CDYL2: variants seen among roughly 807,000 people sequenced by gnomAD.
CDYL2 encodes the protein chromodomain Y-like protein 2.
Under a neutral mutation model 49.4 loss-of-function variants are expected in CDYL2, and 23 were observed. The ratio of observed to expected loss-of-function variants is 0.47; its 90% CI spans 0.34 to 0.66. The LOEUF (loss-of-function observed/expected upper bound fraction) is 0.66. Ranked by LOEUF, CDYL2 falls within the 30% of genes least tolerant of loss-of-function variation. The pLI is 0.01. For missense variants in CDYL2, 678 were observed against 656.4 expected, an observed-to-expected ratio of 1.03 and a Z score of -0.36; for synonymous variants, 360 against 268.8, an observed-to-expected ratio of 1.34 and a Z score of -3.32.
intron 2 of CDYL2, among the ~76,000 whole-genome samples, chr16:80,660,214 A>G (rs930321492): frequency 6.6e-6 from 1 of 152,154 alleles, no homozygotes; most frequent in Admixed American, 6.5e-5. Context: ...TTTAATTCAG[A>G]GGAAGACACG....
Position 80,599,970 on chromosome 16 carries a change from C to T in CDYL2, c.*4418G>A, listed in dbSNP as rs992748512. 2.6e-5 allele frequency: 4 copies of T among 152,188 alleles called. No homozygotes were observed. The highest frequency in any genetic ancestry group is 5.9e-5 in the Non-Finnish European group (4 of 68,034). 9.4% of individuals were successfully genotyped at this position (152,188 alleles called of 1,614,324 possible). On this transcript the variant is annotated 3_prime_UTR_variant, in exon 7 of 7. Coordinates refer to ENST00000570137, the MANE Select transcript of CDYL2 (RefSeq NM_152342.4). ...GACTGCATTCAGTCCATCAGCATGG[C>T]TTACGTTGCATGGAGGAAACAACCC... is the stretch of plus-strand genomic sequence containing the variant.
At chr16:80,633,273 T>C (rs1907658700) in intron 2 of CDYL2, 37 bp from the exon 3 acceptor site, 7 of 1,587,490 alleles carry the variant, frequency 4.4e-6, no homozygotes, top group Non-Finnish European at 6.0e-6. Context: ...GAAACTGAAA[T>C]GGACCACGAT....
intron 1 of CDYL2, among the ~76,000 whole-genome samples, chr16:80,764,575 G>C (rs1173996815): frequency 2.6e-5 from 4 of 152,110 alleles, no homozygotes; most frequent in Admixed American, 2.6e-4. Flanking sequence ...AGAATGAACA[G>C]ACACACCATG....
At chr16:80,795,890 G>A (rs1306893139) in intron 1 of CDYL2, among the ~76,000 whole-genome samples, 1 of 152,206 alleles carries the variant, frequency 6.6e-6, no homozygotes, top group Non-Finnish European at 1.5e-5. Flanking sequence ...GTAATAGACT[G>A]AAACAGAAGA....
chr16:80,669,637 G>C (rs564931525), intron 2 of CDYL2, among the ~76,000 whole-genome samples: 3 of 152,292 alleles, frequency 2.0e-5, no homozygotes, highest in African/African-American at 7.2e-5. Context: ...GGCCAAGCAG[G>C]AGGGTCGGTG....
At chr16:80,622,675 A>C (rs1306235326) in intron 3 of CDYL2, among the ~76,000 whole-genome samples, 3 of 152,170 alleles carry the variant, frequency 2.0e-5, no homozygotes, top group Non-Finnish European at 4.4e-5. Context: ...ACTTCAGAGG[A>C]AATTAGGCAG....
In CDYL2 at chr16:80,612,329, GA is replaced by G. The variant is rs1316162538; in HGVS notation, c.1218+296del. On this transcript the variant is annotated intron_variant, in intron 5 of 6. Coordinates refer to ENST00000570137, the MANE Select transcript of CDYL2 (RefSeq NM_152342.4). This position sits in a 1 kb window ranked among gnomAD's most constrained non-coding sequence, Gnocchi z 5.0. ...GGCAAGTTTTGTTGTTAAAGCCACT[GA>G]GACCGTGGGCTGCTTGTCACAGCAC... Among the ~76,000 whole-genome samples the G allele has an allele frequency of 6.6e-6, 1 of 152,226 alleles. No individual in the cohort carries two copies. The highest frequency in any genetic ancestry group is 6.5e-5 in the Admixed American group (1 of 15,290).
chr16:80,752,080 G>C (rs2142564533), intron 1 of CDYL2, among the ~76,000 whole-genome samples: 1 of 151,948 alleles, frequency 6.6e-6, no homozygotes, highest in East Asian at 1.9e-4. Flanking sequence ...CTGTGAAATA[G>C]ATAACCATGT....
intron 1 of CDYL2, among the ~76,000 whole-genome samples, chr16:80,770,586 A>C (rs1906873852): frequency 6.6e-6 from 1 of 152,226 alleles, no homozygotes; most frequent in African/African-American, 2.4e-5. Flanking sequence ...CTGACTACAA[A>C]GTGAACTGAA....
intron 1 of CDYL2, among the ~76,000 whole-genome samples, chr16:80,702,183 AACACACACAC>A (rs35071485): frequency 9.1e-5 from 13 of 142,772 alleles, no homozygotes; most frequent in Admixed American, 7.0e-5. Flanking sequence ...GAAGGCCTAA[AACACACACAC>A]ACACACACAC....
chr16:80,763,052 C>T (rs1207929114), intron 1 of CDYL2, among the ~76,000 whole-genome samples: 1 of 152,122 alleles, frequency 6.6e-6, no homozygotes, highest in Non-Finnish European at 1.5e-5. Flanking sequence ...ACTGTAGTCC[C>T]AGCTACTTGG....
At chr16:80,684,028 G>C (rs977470129) in intron 2 of CDYL2, among the ~76,000 whole-genome samples, 3 of 152,218 alleles carry the variant, frequency 2.0e-5, no homozygotes, top group African/African-American at 4.8e-5. Context: ...CTCCAGCACA[G>C]GCACTGGCGT....
At chr16:80,742,516 G>A (rs1905777445) in intron 1 of CDYL2, among the ~76,000 whole-genome samples, 2 of 150,656 alleles carry the variant, frequency 1.3e-5, no homozygotes, top group Admixed American at 6.6e-5. Context: ...ATACACTAAC[G>A]AATGAATAGA....
At chr16:80,756,904 CTGA>C (rs1436142362) in intron 1 of CDYL2, among the ~76,000 whole-genome samples, 13 of 151,136 alleles carry the variant, frequency 8.6e-5, no homozygotes. Flanking sequence ...TCAAAGGCAT[CTGA>C]TAAGTCATTT....
At chr16:80,667,023 C>G (rs1264572338) in intron 2 of CDYL2, among the ~76,000 whole-genome samples, 1 of 152,220 alleles carries the variant, frequency 6.6e-6, no homozygotes, top group African/African-American at 2.4e-5. Context: ...GAGGTCAGTG[C>G]TGTCAACCAA....
chr16:80,602,963 G>A lies in CDYL2; in HGVS notation c.*1425C>T, dbSNP rs1906160830. 1 of 152,158 alleles carries A rather than the reference G, an allele frequency of 6.6e-6. No homozygotes were observed. Among genetic ancestry groups the A allele is most frequent in the South Asian group, 2.1e-4 (1 of 4,830 alleles). The allele number at this position is 152,158 out of a possible 1,614,324, so 9.4% of individuals were successfully genotyped here. Reference sequence around the variant, plus strand: ...CACAACCCCCAATCCCTCCTTCTCTGTAGTTAATCCAGGGACTTGAATCTG... The same window carrying A: ...CACAACCCCCAATCCCTCCTTCTCTATAGTTAATCCAGGGACTTGAATCTG... On this transcript the variant is annotated 3_prime_UTR_variant, in exon 7 of 7. Transcript: ENST00000570137.
chr16:80,765,120 CATATAG>C (rs1567599707), intron 1 of CDYL2, among the ~76,000 whole-genome samples: 90 of 127,840 alleles, frequency 7.0e-4, no homozygotes, highest in Non-Finnish European at 1.3e-3. Context: ...TATTGTATAA[CATATAG>C]TACTATATAA....
At chr16:80,621,519 A>G (rs537023280) in intron 3 of CDYL2, among the ~76,000 whole-genome samples, 1 of 152,274 alleles carries the variant, frequency 6.6e-6, no homozygotes, top group South Asian at 2.1e-4. Context: ...TAGCCATGGG[A>G]CCTGAGCCAT....
At chr16:80,698,641 T>G (rs1474664899) in intron 1 of CDYL2, among the ~76,000 whole-genome samples, 2 of 152,126 alleles carry the variant, frequency 1.3e-5, no homozygotes, top group South Asian at 2.1e-4. Context: ...TGGTACTGTA[T>G]AGTAAGTTCT....
Sources: allele counts gnomAD v4.1 joint callset (sites outside exome capture counted in the v4.1 genomes callset), GRCh38; gene constraint gnomAD v4.1.1; non-coding constraint Gnocchi (gnomAD v3.1); transcripts MANE v1.5; gene names NCBI Gene and HGNC (gene_info 2026-07-23, HGNC 2026-07-21).